The following MACROD2 variants were observed in gnomAD, a reference collection of about 807,000 sequenced individuals.
The protein encoded by MACROD2 is ADP-ribose glycohydrolase MACROD2.
MACROD2 carries 36 observed loss-of-function variants against 70.4 expected under a neutral mutation model. The observed-to-expected ratio is 0.51, with a 90% CI of 0.39 to 0.68. The LOEUF (loss-of-function observed/expected upper bound fraction) is 0.68. Ranked by LOEUF, MACROD2 falls within the 30% of genes least tolerant of loss-of-function variation. MACROD2 has a pLI of 0.00. For missense variants in MACROD2, 496 were observed against 538.4 expected, an observed-to-expected ratio of 0.92 and a Z score of 0.78; for synonymous variants, 172 against 178.8, an observed-to-expected ratio of 0.96 and a Z score of 0.30.
intron 3 of MACROD2, among the ~76,000 whole-genome samples, chr20:14,249,597 G>A (rs1459620706): frequency 1.3e-5 from 2 of 151,902 alleles, no homozygotes; most frequent in African/African-American, 4.8e-5. Context: ...CAGAAGTTTG[G>A]GATGCAAACT....
intron 16 of MACROD2, among the ~76,000 whole-genome samples, chr20:16,044,324 AG>A (rs763657578): frequency 1.6e-4 from 24 of 152,064 alleles, no homozygotes; most frequent in Non-Finnish European, 2.1e-4. Context: ...ACCTCTCACC[AG>A]GCCCCACCTC....
At chr20:14,558,667 A>G (rs1979218572) in intron 4 of MACROD2, among the ~76,000 whole-genome samples, 1 of 151,916 alleles carries the variant, frequency 6.6e-6, no homozygotes, top group Admixed American at 6.6e-5. Flanking sequence ...ATCAAATAAT[A>G]GTGCCTGGAA....
intron 5 of MACROD2, among the ~76,000 whole-genome samples, chr20:15,192,385 T>C (rs2076578121): frequency 6.6e-6 from 1 of 152,230 alleles, no homozygotes; most frequent in South Asian, 2.1e-4. Context: ...ATCAAATCTT[T>C]CAAATCAAAC....
intron 3 of MACROD2, among the ~76,000 whole-genome samples, chr20:14,109,470 G>A (rs1180756763): frequency 2.0e-5 from 3 of 151,614 alleles, no homozygotes; most frequent in Admixed American, 2.0e-4. Flanking sequence ...TAAAAAGTTT[G>A]GTTTTTGAAA....
intron 4 of MACROD2, among the ~76,000 whole-genome samples, chr20:14,665,179 C>T (rs978072785): frequency 3.9e-5 from 6 of 152,008 alleles, no homozygotes; most frequent in South Asian, 2.1e-4. Context: ...TGGTACACAA[C>T]GCATGACAGG....
At chr20:14,844,545 C>T (rs954135480) in intron 5 of MACROD2, among the ~76,000 whole-genome samples, 2 of 151,840 alleles carry the variant, frequency 1.3e-5, no homozygotes, top group Non-Finnish European at 2.9e-5. Context: ...AATAAAAACG[C>T]TGATAGAAGG....
chr20:15,556,069 C>A (rs1475833651), intron 8 of MACROD2, among the ~76,000 whole-genome samples: 1 of 152,088 alleles, frequency 6.6e-6, no homozygotes, highest in Non-Finnish European at 1.5e-5. Context: ...TGCTTCTGAA[C>A]CATGCTTGGC....
chr20:14,186,062 G>A (rs1190761956), intron 3 of MACROD2, among the ~76,000 whole-genome samples: 1 of 151,980 alleles, frequency 6.6e-6, no homozygotes, highest in East Asian at 1.9e-4. Flanking sequence ...CTCTATCCCT[G>A]GCCTTTTTGA....
intron 8 of MACROD2, among the ~76,000 whole-genome samples, chr20:15,652,355 A>G (rs1568953500): frequency 6.6e-6 from 1 of 152,184 alleles, no homozygotes; most frequent in Non-Finnish European, 1.5e-5. Context: ...ATATATTCAC[A>G]TTACAAGTTA....
chr20:14,908,058 T>G (rs1373229318), intron 5 of MACROD2, among the ~76,000 whole-genome samples: 2 of 152,172 alleles, frequency 1.3e-5, no homozygotes, highest in Non-Finnish European at 2.9e-5. Context: ...AAAAGTGTAT[T>G]GTCAGCCAGG....
At chr20:14,773,234 A>G (rs1277141481) in intron 5 of MACROD2, among the ~76,000 whole-genome samples, 1 of 152,098 alleles carries the variant, frequency 6.6e-6, no homozygotes, top group Admixed American at 6.6e-5. Context: ...CCTTAAAAGA[A>G]AATGAAAACT....
At chr20:14,423,987 C>T (rs894516287) in intron 3 of MACROD2, among the ~76,000 whole-genome samples, 1 of 151,744 alleles carries the variant, frequency 6.6e-6, no homozygotes, top group African/African-American at 2.4e-5. Flanking sequence ...GTCTTGAACT[C>T]TCGACCTCAG....
intron 2 of MACROD2, among the ~76,000 whole-genome samples, chr20:14,008,098 G>A (rs901319445): frequency 7.9e-5 from 12 of 152,142 alleles, no homozygotes; most frequent in Admixed American, 6.6e-4. Flanking sequence ...TCCTATTCAA[G>A]ATAGTGTTGG....
At chr20:14,133,303 T>C (rs1221233115) in intron 3 of MACROD2, among the ~76,000 whole-genome samples, 2 of 152,242 alleles carry the variant, frequency 1.3e-5, no homozygotes, top group Admixed American at 6.5e-5. Context: ...TTACAACCTT[T>C]GATATTGATT....
chr20:14,551,324 G>A (rs2123261651), intron 4 of MACROD2, among the ~76,000 whole-genome samples: 1 of 152,206 alleles, frequency 6.6e-6, no homozygotes, highest in Admixed American at 6.6e-5. Flanking sequence ...TTCAAATATT[G>A]ATTTAAATAA....
intron 3 of MACROD2, among the ~76,000 whole-genome samples, chr20:14,172,977 A>G (rs1280011641): frequency 6.6e-6 from 1 of 152,138 alleles, no homozygotes; most frequent in Non-Finnish European, 1.5e-5. Context: ...GACCCCAATC[A>G]CTTCTAGCTT....
chr20:15,411,414 G>A (rs1198622521), intron 6 of MACROD2, among the ~76,000 whole-genome samples: 1 of 152,126 alleles, frequency 6.6e-6, no homozygotes, highest in African/African-American at 2.4e-5. Context: ...AAAATTAGAT[G>A]TTGAAAGTCC....
At chr20:14,440,409 G>A (rs1403625596) in intron 3 of MACROD2, among the ~76,000 whole-genome samples, 1 of 151,676 alleles carries the variant, frequency 6.6e-6, no homozygotes, top group Non-Finnish European at 1.5e-5. Context: ...TTTTATGCGT[G>A]GCCCAAGACA....
At chr20:14,179,336 T>C (rs2081288933) in intron 3 of MACROD2, among the ~76,000 whole-genome samples, 1 of 152,238 alleles carries the variant, frequency 6.6e-6, no homozygotes, top group African/African-American at 2.4e-5. Flanking sequence ...ATAGCTAGTA[T>C]TGCAACTACA....
Sources: allele counts gnomAD v4.1 joint callset (sites outside exome capture counted in the v4.1 genomes callset), GRCh38; gene constraint gnomAD v4.1.1; transcripts MANE v1.5; gene names NCBI Gene and HGNC (gene_info 2026-07-23, HGNC 2026-07-21).